Variants in ANKFN1 observed in about 807,000 individuals in gnomAD.
The protein encoded by ANKFN1 is ankyrin repeat and fibronectin type III domain containing 1, also known as ankyrin repeat and fibronectin type-III domain-containing protein 1.
A neutral mutation model predicts 108.7 loss-of-function variants in ANKFN1; 74 were observed. The ratio of observed to expected loss-of-function variants is 0.68; its 90% CI spans 0.56 to 0.83. ANKFN1 has a LOEUF of 0.83. Among genes scored for constraint, ANKFN1 ranks in the 40% least tolerant of loss-of-function variants. The pLI, the probability that ANKFN1 is intolerant of heterozygous loss-of-function variation, is 0.00. For missense variants in ANKFN1, 1,505 were observed against 1,382.3 expected (o/e 1.09, Z -1.41); for synonymous variants, 547 against 516.2 (o/e 1.06, Z -0.81).
At chr17:56,177,665 A>G (rs1045714917) in intron 1 of ANKFN1, among the ~76,000 whole-genome samples, 1 of 152,222 alleles carries the variant, frequency 6.6e-6, no homozygotes, top group African/African-American at 2.4e-5. Context: ...GAGAAACCAC[A>G]TTCCTCTTAT....
upstream of ANKFN1, among the ~76,000 whole-genome samples, chr17:56,150,723 G>A (rs1273675344): frequency 6.6e-6 from 1 of 152,058 alleles, no homozygotes; most frequent in African/African-American, 2.4e-5. Context: ...CCACTGTAGT[G>A]TAACATAACC....
intron 3 of ANKFN1, among the ~76,000 whole-genome samples, chr17:56,321,200 C>G (rs1352563081): frequency 6.6e-6 from 1 of 151,956 alleles, no homozygotes; most frequent in Non-Finnish European, 1.5e-5. Context: ...CAACTTCGCA[C>G]ATAATAAGCA....
intron 3 of ANKFN1, among the ~76,000 whole-genome samples, chr17:56,318,660 A>G (rs1419388688): frequency 6.6e-6 from 1 of 152,206 alleles, no homozygotes; most frequent in Non-Finnish European, 1.5e-5. Flanking sequence ...CATCGGGAAC[A>G]TGAAAGAGAG....
intron 4 of ANKFN1, among the ~76,000 whole-genome samples, chr17:56,331,230 T>C (rs1044495229): frequency 6.6e-6 from 1 of 152,170 alleles, no homozygotes; most frequent in African/African-American, 2.4e-5. Context: ...CAGGAGCAAT[T>C]TGAGCAACTG....
intron 3 of ANKFN1, among the ~76,000 whole-genome samples, chr17:56,276,538 G>T (rs182349568): frequency 1.3e-5 from 2 of 152,206 alleles, no homozygotes; most frequent in Non-Finnish European, 2.9e-5. Context: ...TTTAATGATC[G>T]CCATTCTAAC....
Position 56,457,429 on chromosome 17 carries a change from C to A in ANKFN1, c.1440+40C>A. On this transcript the variant is annotated intron_variant, in intron 13 of 20. Coordinates refer to ENST00000682825, the MANE Select transcript of ANKFN1 (RefSeq NM_001370326.1). ...GATTTCATTTTTCCCTACTTTGTAC[C>A]AATGTTACTGCACAAAAATCTCTGA... is the stretch of plus-strand genomic sequence containing the variant. 2.0e-6 allele frequency: 3 copies of A among 1,535,376 alleles called. No individual in the cohort carries two copies. The South Asian group carries it at 3.9e-5, about 20-fold the overall frequency.
chr17:56,281,056 C>T (rs1031545337), intron 3 of ANKFN1, among the ~76,000 whole-genome samples: 1 of 152,166 alleles, frequency 6.6e-6, no homozygotes, highest in African/African-American at 2.4e-5. Context: ...GCCTCCCCAG[C>T]CATGTGGAAC....
At chr17:56,107,206 C>T (rs1905767763) in intron 4 of ANKFN1, among the ~76,000 whole-genome samples, 1 of 152,120 alleles carries the variant, frequency 6.6e-6, no homozygotes, top group Admixed American at 6.5e-5. Context: ...GCTGGGGCTG[C>T]AGAGCTTGAA....
Position 56,511,009 on chromosome 17 carries a change from C to A in ANKFN1, c.3181C>A (p.Pro1061Thr), listed in dbSNP as rs1042077308. The change falls in exon 21 of 21, where the codon CCC becomes ACC. Residue 1061 changes from proline to threonine, a missense_variant. Pro to Thr is a conservative substitution (Grantham distance 38). Coordinates refer to ENST00000682825, the MANE Select transcript of ANKFN1 (RefSeq NM_001370326.1). ...AKRAGPALDD[P>T]RGLTLAHAAS... Reference sequence around the variant, plus strand: ...GCGGGCCGGCCCTGCCCTTGATGATCCCAGGGGCCTAACTCTGGCCCACGC... The same window carrying A: ...GCGGGCCGGCCCTGCCCTTGATGATACCAGGGGCCTAACTCTGGCCCACGC... 16 of 1,535,886 alleles carry A rather than the reference C, an allele frequency of 1.0e-5. No individual in the cohort carries two copies. The highest frequency in any genetic ancestry group is 1.4e-5 in the Non-Finnish European group (16 of 1,146,890).
chr17:56,122,239 G>A (rs376561928), intron 4 of ANKFN1, among the ~76,000 whole-genome samples: 3 of 152,296 alleles, frequency 2.0e-5, no homozygotes, highest in Admixed American at 6.5e-5. Flanking sequence ...AGTTAATAGA[G>A]CATAATGTTG....
chr17:56,117,482 C>T (rs1433308383), intron 4 of ANKFN1, among the ~76,000 whole-genome samples: 4 of 152,114 alleles, frequency 2.6e-5, no homozygotes, highest in African/African-American at 9.7e-5. Context: ...AAAAATACTA[C>T]CCAGGGCATT....
chr17:56,468,307 G>T (rs1007578708), intron 15 of ANKFN1, among the ~76,000 whole-genome samples: 10 of 152,162 alleles, frequency 6.6e-5, no homozygotes, highest in Non-Finnish European at 1.3e-4. Flanking sequence ...GCAGCCCTTG[G>T]CCTGGATGGT....
chr17:56,179,415 G>T (rs1025731457), intron 1 of ANKFN1, among the ~76,000 whole-genome samples: 2 of 152,120 alleles, frequency 1.3e-5, no homozygotes, highest in African/African-American at 4.8e-5. Context: ...GTACATCCCT[G>T]CCCTGTTTGA....
intron 3 of ANKFN1, among the ~76,000 whole-genome samples, chr17:56,294,667 G>A (rs969307165): frequency 2.0e-5 from 3 of 152,188 alleles, no homozygotes; most frequent in Non-Finnish European, 4.4e-5. Context: ...TGGAACAAGG[G>A]TCTGACCTGC....
intron 4 of ANKFN1, among the ~76,000 whole-genome samples, chr17:56,115,227 T>C (rs576516564): frequency 6.6e-6 from 1 of 152,332 alleles, no homozygotes; most frequent in Admixed American, 6.5e-5. Context: ...GTGATTTGTA[T>C]TTGAGGGGCC....
chr17:56,195,728 C>T (rs1913445036), intron 1 of ANKFN1, among the ~76,000 whole-genome samples: 1 of 152,202 alleles, frequency 6.6e-6, no homozygotes, highest in African/African-American at 2.4e-5. Context: ...TAAAGTATCA[C>T]TCAGCGTATT....
intron 1 of ANKFN1, among the ~76,000 whole-genome samples, chr17:56,201,931 C>T (rs1312606218): frequency 6.6e-6 from 1 of 152,186 alleles, no homozygotes; most frequent in Non-Finnish European, 1.5e-5. Context: ...CTAGGTCCAT[C>T]CAGTGGGCAC....
At chr17:56,189,179 T>TTTTTTTTG (rs1555607729) in intron 1 of ANKFN1, among the ~76,000 whole-genome samples, 2 of 111,398 alleles carry the variant, frequency 1.8e-5, no homozygotes, top group African/African-American at 9.8e-5. Flanking sequence ...ACTTTTTTTT[T>TTTTTTTTG]TTTTTTTTTG....
At chr17:56,276,895 A>G (rs780800944) in intron 3 of ANKFN1, among the ~76,000 whole-genome samples, 1 of 152,112 alleles carries the variant, frequency 6.6e-6, no homozygotes, top group Non-Finnish European at 1.5e-5. Flanking sequence ...TTTGAATGAG[A>G]TGATTTTTTT....
Sources: allele counts gnomAD v4.1 joint callset (sites outside exome capture counted in the v4.1 genomes callset), GRCh38; gene constraint gnomAD v4.1.1; transcripts MANE v1.5; gene names NCBI Gene and HGNC (gene_info 2026-07-23, HGNC 2026-07-21).